Variants in OPCML observed in about 807,000 individuals in gnomAD.
OPCML encodes the protein opioid-binding protein/cell adhesion molecule.
Under a neutral mutation model 37.8 loss-of-function variants are expected in OPCML, and 13 were observed. The observed-to-expected ratio is 0.34, with a 90% CI of 0.22 to 0.55. The LOEUF (loss-of-function observed/expected upper bound fraction) is 0.55, where lower values mean the gene tolerates loss of function less well. Ranked by LOEUF, OPCML falls within the 20% of genes least tolerant of loss-of-function variation. The pLI is 0.91. For missense variants in OPCML, 341 were observed against 435.6 expected (o/e 0.78, Z 1.93); for synonymous variants, 176 against 168.8 (o/e 1.04, Z -0.33).
chr11:132,873,834 A>C (rs1032111940), intron 2 of OPCML, among the ~76,000 whole-genome samples: 3 of 152,206 alleles, frequency 2.0e-5, no homozygotes, highest in Non-Finnish European at 2.9e-5. Flanking sequence ...AAAATTAGAA[A>C]GTAAAGGAGC....
In OPCML at chr11:133,428,040, C is replaced by T. The variant is rs114162381; in HGVS notation, c.61+104224G>A. 5.4e-3 allele frequency among the ~76,000 whole-genome samples: 828 copies of T among 152,134 alleles called. 11 individuals carry two copies. The highest frequency in any genetic ancestry group is 0.019 in the African/African-American group (802 of 41,494). Reference sequence around the variant, plus strand: ...GAAAACTATGGAACAGACACAGTTACGAACATAGATGCAAAATCCTCATTG... The same window carrying T: ...GAAAACTATGGAACAGACACAGTTATGAACATAGATGCAAAATCCTCATTG... On this transcript the variant is annotated intron_variant, in intron 1 of 7. Coordinates refer to ENST00000524381, the MANE Select transcript of OPCML (RefSeq NM_001012393.5).
intron 4 of OPCML, among the ~76,000 whole-genome samples, chr11:132,444,413 A>G (rs903856159): frequency 1.3e-5 from 2 of 152,168 alleles, no homozygotes; most frequent in African/African-American, 2.4e-5. Context: ...CACATCAGAA[A>G]CATGCATGAA....
At chr11:133,417,191 C>T (rs1176997250) in intron 1 of OPCML, among the ~76,000 whole-genome samples, 1 of 152,138 alleles carries the variant, frequency 6.6e-6, no homozygotes, top group Non-Finnish European at 1.5e-5. Flanking sequence ...CTGTGAGCCA[C>T]CCTAGCAAAT....
At chr11:132,550,935 G>C (rs894921924) in intron 3 of OPCML, among the ~76,000 whole-genome samples, 9 of 152,216 alleles carry the variant, frequency 5.9e-5, no homozygotes, top group Admixed American at 2.0e-4. Context: ...GACTTTGGAT[G>C]GGAAGGAAAT....
chr11:132,713,780 C>A (rs1041235850), intron 2 of OPCML, among the ~76,000 whole-genome samples: 10 of 152,216 alleles, frequency 6.6e-5, no homozygotes, highest in Non-Finnish European at 5.9e-5. Context: ...ATTTTGGGTA[C>A]GTTCTCCACC....
At chr11:133,186,083 A>T (rs1938058346) in intron 1 of OPCML, among the ~76,000 whole-genome samples, 2 of 152,050 alleles carry the variant, frequency 1.3e-5, no homozygotes, top group Non-Finnish European at 2.9e-5. Flanking sequence ...TTTCAGATCC[A>T]AACGATATTA....
intron 1 of OPCML, among the ~76,000 whole-genome samples, chr11:133,192,585 A>T (rs981012693): frequency 6.6e-6 from 1 of 152,202 alleles, no homozygotes; most frequent in Non-Finnish European, 1.5e-5. Context: ...TTATTCAATT[A>T]TAAGTAGTAG....
At chr11:132,952,024 G>T (rs2136698922) in intron 1 of OPCML, among the ~76,000 whole-genome samples, 1 of 152,292 alleles carries the variant, frequency 6.6e-6, no homozygotes, top group Admixed American at 6.5e-5. Context: ...TCATAAATAA[G>T]GAAGACTTAC....
intron 3 of OPCML, among the ~76,000 whole-genome samples, chr11:132,605,910 A>G (rs1938261463): frequency 6.6e-6 from 1 of 152,220 alleles, no homozygotes; most frequent in South Asian, 2.1e-4. Context: ...ATGGTTTGCC[A>G]GTGACCAGCA....
At chr11:133,444,722 T>C (rs1946435822) in intron 1 of OPCML, among the ~76,000 whole-genome samples, 1 of 152,238 alleles carries the variant, frequency 6.6e-6, no homozygotes, top group Admixed American at 6.5e-5. Context: ...AATTGCCTAA[T>C]AACATTTCAT....
chr11:133,448,973 G>A (rs1946526695), intron 1 of OPCML, among the ~76,000 whole-genome samples: 1 of 152,184 alleles, frequency 6.6e-6, no homozygotes, highest in Non-Finnish European at 1.5e-5. Flanking sequence ...CCACCTGGGA[G>A]CCTATAAATA....
intron 2 of OPCML, among the ~76,000 whole-genome samples, chr11:132,770,847 A>G (rs1228622845): frequency 2.6e-5 from 4 of 152,130 alleles, no homozygotes; most frequent in African/African-American, 9.7e-5. Context: ...TGACTGACGC[A>G]ATAGGAAGCA....
intron 1 of OPCML, among the ~76,000 whole-genome samples, chr11:133,002,233 C>T (rs1947018845): frequency 1.3e-5 from 2 of 152,194 alleles, no homozygotes; most frequent in Non-Finnish European, 2.9e-5. Flanking sequence ...AAAGTTTGTA[C>T]TATGGTCCCA....
intron 2 of OPCML, among the ~76,000 whole-genome samples, chr11:132,844,071 T>G (rs931843225): frequency 6.6e-6 from 1 of 152,122 alleles, no homozygotes; most frequent in Non-Finnish European, 1.5e-5. Context: ...AGGGGGAGAT[T>G]TCCTGCACAA....
At chr11:132,705,895 C>A (rs975560523) in intron 2 of OPCML, among the ~76,000 whole-genome samples, 9 of 152,156 alleles carry the variant, frequency 5.9e-5, no homozygotes, top group Non-Finnish European at 1.0e-4. Context: ...GCAACCTCCA[C>A]CTCCCGGGTT....
chr11:133,276,526 A>C (rs1288340209), intron 1 of OPCML, among the ~76,000 whole-genome samples: 1 of 152,210 alleles, frequency 6.6e-6, no homozygotes, highest in East Asian at 1.9e-4. Flanking sequence ...CTTGTTAATA[A>C]AATGTCGGTG....
chr11:132,648,627 G>C (rs899060899), intron 3 of OPCML, among the ~76,000 whole-genome samples: 1 of 151,280 alleles, frequency 6.6e-6, no homozygotes, highest in African/African-American at 2.4e-5. Context: ...TCAGCCTCCT[G>C]AGTAGCTGGG....
intron 3 of OPCML, among the ~76,000 whole-genome samples, chr11:132,538,263 G>A (rs898553436): frequency 6.6e-6 from 1 of 152,172 alleles, no homozygotes; most frequent in African/African-American, 2.4e-5. Context: ...ATGACCCAAT[G>A]TGAATGAACC....
At chr11:132,872,755 G>A (rs928737687) in intron 2 of OPCML, among the ~76,000 whole-genome samples, 1 of 152,084 alleles carries the variant, frequency 6.6e-6, no homozygotes, top group Non-Finnish European at 1.5e-5. Flanking sequence ...ATGTGAGCGG[G>A]TGAATAAAAG....
Sources: gnomAD v4.1 joint callset for allele counts (sites outside exome capture counted in the v4.1 genomes callset) on GRCh38, gnomAD v4.1.1 for gene constraint, MANE v1.5 for transcripts, NCBI Gene and HGNC (gene_info 2026-07-23, HGNC 2026-07-21) for gene names.